Variants in TTLL7 observed in about 807,000 individuals in gnomAD.
TTLL7 encodes tubulin polyglutamylase TTLL7.
A neutral mutation model predicts 120.2 loss-of-function variants in TTLL7; 53 were observed. That is an observed-to-expected ratio of 0.44 (90% CI 0.35 to 0.55). The LOEUF is 0.55. TTLL7 is among the 20% of genes least tolerant of loss of function. TTLL7 has a pLI of 0.00. For missense variants in TTLL7, 803 were observed against 1,054.7 expected (o/e 0.76, Z 3.31); for synonymous variants, 353 against 351.7 (o/e 1.00, Z -0.04).
intron 1 of TTLL7, among the ~76,000 whole-genome samples, chr1:83,995,723 C>T (rs927814642): frequency 1.3e-5 from 2 of 152,092 alleles, no homozygotes; most frequent in African/African-American, 2.4e-5. Context: ...AGACCTCATA[C>T]CCTTTAACCC....
intron 1 of TTLL7, among the ~76,000 whole-genome samples, chr1:83,996,310 G>A (rs767959013): frequency 1.3e-5 from 2 of 152,088 alleles, no homozygotes; most frequent in African/African-American, 2.4e-5. Context: ...AAGGGGACTC[G>A]GGGCAACAGA....
rs1654231361 is a variant in TTLL7, at chr1:83,879,285, G to A, written c.2543+3678C>T. ...TGAGTTTTAATAGCTAGATATTAGG[G>A]AGAAATGTTTACTTCTCTTCACTCC... On this transcript the variant is annotated intron_variant, in intron 20 of 20. Transcript: ENST00000260505. Among the ~76,000 whole-genome samples, 2 of 151,912 alleles carry A rather than the reference G, an allele frequency of 1.3e-5. 1 individual carries two copies. The highest frequency in any genetic ancestry group is 4.1e-4 in the South Asian group (2 of 4,824).
At position 83,937,856 on chromosome 1, in the gene TTLL7, A is replaced by G; in HGVS notation, c.884T>C (p.Ile295Thr). The G allele has an allele frequency of 6.2e-7, 1 of 1,613,942 alleles. No homozygotes were observed. Among genetic ancestry groups the G allele is most frequent in the South Asian group, 1.1e-5 (1 of 91,070 alleles). ...TGTGGAATGGCATAATCTTACTGAA[A>G]TATCACTCCAAAACTTAGCAACATC... ...QHDVAKFWSD[I>T]SELVVKTLIV... is the part of the protein sequence containing the mutation. The change falls in exon 8 of 21, where the codon ATT becomes ACT. Residue 295 changes from isoleucine to threonine, a missense_variant. By Grantham distance (89) the Ile-to-Thr change is moderately conservative. Coordinates refer to ENST00000260505, the MANE Select transcript of TTLL7 (RefSeq NM_024686.6).
intron 20 of TTLL7, among the ~76,000 whole-genome samples, chr1:83,874,854 A>C (rs1653781810): frequency 6.6e-6 from 1 of 151,978 alleles, no homozygotes; most frequent in Non-Finnish European, 1.5e-5. Context: ...TATGGAGCCA[A>C]TGAAATAGCG....
intron 18 of TTLL7, among the ~76,000 whole-genome samples, chr1:83,903,653 G>A (rs950753719): frequency 2.6e-5 from 4 of 151,904 alleles, no homozygotes; most frequent in African/African-American, 9.7e-5. Context: ...TATGTAAATA[G>A]TTGTTACACT....
intron 1 of TTLL7, among the ~76,000 whole-genome samples, chr1:83,977,420 C>A (rs892712369): frequency 1.3e-5 from 2 of 151,718 alleles, no homozygotes; most frequent in African/African-American, 4.8e-5. Flanking sequence ...CAAGTTTATG[C>A]AATCTTAAAA....
At chr1:83,948,770 T>A (rs1196470568) in intron 4 of TTLL7, 75 bp from the exon 5 acceptor site, 2 of 1,028,518 alleles carry the variant, frequency 1.9e-6, no homozygotes, top group South Asian at 1.7e-5. Context: ...TACAATTCTA[T>A]CCATCCTTTG....
Position 83,951,965 on chromosome 1 carries a change from G to T in TTLL7, c.37C>A (p.Pro13Thr). 6.2e-7 allele frequency: 1 copy of T among 1,604,312 alleles called. No homozygotes were observed. Among genetic ancestry groups the T allele is most frequent in the South Asian group, 1.1e-5 (1 of 88,256 alleles). The change falls in exon 3 of 21, where the codon CCC becomes ACC. Residue 13 changes from proline to threonine, a missense_variant. Coordinates refer to ENST00000260505, the MANE Select transcript of TTLL7 (RefSeq NM_024686.6). ...TCTGTATTCAAATCCAGGGGAGAGG[G>T]TCCCTGAATAACTTTAAAAAAATGT... is the stretch of plus-strand genomic sequence containing the variant. The part of the protein sequence containing the change: ...SLPQEGVIQG[P>T]SPLDLNTELP...
chr1:83,895,584 G>GA (rs1181109503), intron 18 of TTLL7, among the ~76,000 whole-genome samples: 1 of 152,026 alleles, frequency 6.6e-6, no homozygotes, highest in East Asian at 1.9e-4. Flanking sequence ...GTCACCAAAT[G>GA]AATTCAGGTA....
intron 1 of TTLL7, among the ~76,000 whole-genome samples, chr1:83,968,693 A>G (rs1371489548): frequency 6.6e-6 from 1 of 152,080 alleles, no homozygotes; most frequent in Non-Finnish European, 1.5e-5. Context: ...TTATTCCTAC[A>G]TGGAGTACTC....
chr1:83,932,258 A>G (rs879625032), intron 9 of TTLL7, among the ~76,000 whole-genome samples: 13 of 152,158 alleles, frequency 8.5e-5, no homozygotes, highest in Non-Finnish European at 1.9e-4. Context: ...CCACTCCATC[A>G]ATGACAAAAG....
chr1:83,887,829 T>TC (rs35751070), intron 19 of TTLL7, among the ~76,000 whole-genome samples: 65,806 of 151,870 alleles, frequency 0.43, 15,608 homozygotes, highest in Non-Finnish European at 0.54. Context: ...CTTCAATTCC[T>TC]CATCTGTAAA....
chr1:83,944,518 C>G (rs1648286497), intron 6 of TTLL7, among the ~76,000 whole-genome samples: 1 of 151,982 alleles, frequency 6.6e-6, no homozygotes, highest in Non-Finnish European at 1.5e-5. Context: ...ATCAGCCTGG[C>G]CAACATGGAG....
At chr1:83,894,199 G>A (rs1174973091) in intron 18 of TTLL7, among the ~76,000 whole-genome samples, 1 of 151,568 alleles carries the variant, frequency 6.6e-6, no homozygotes, top group East Asian at 1.9e-4. Flanking sequence ...AGTAATAATA[G>A]GCCAAAAGTC....
Position 83,882,945 on chromosome 1 carries a change from G to A in TTLL7, c.2543+18C>T. ...CTTTACATAAAACTCTCAAGGGTTA[G>A]AGAATGTGAACAAGTACCTGGAATT... is the stretch of plus-strand genomic sequence containing the variant. On this transcript the variant is annotated intron_variant, in intron 20 of 20. Coordinates refer to ENST00000260505, the MANE Select transcript of TTLL7 (RefSeq NM_024686.6). 2 of 1,606,934 alleles carry A rather than the reference G, an allele frequency of 1.2e-6. No individual in the cohort carries two copies. Among genetic ancestry groups the A allele is most frequent in the Non-Finnish European group, 1.7e-6 (2 of 1,177,248 alleles).
chr1:83,918,370 A>C (rs2100788954), intron 13 of TTLL7, among the ~76,000 whole-genome samples: 1 of 152,304 alleles, frequency 6.6e-6, no homozygotes, highest in South Asian at 2.1e-4. Flanking sequence ...GCAAGCCAGG[A>C]CAATACGAGT....
chr1:83,959,352 T>C (rs1649812134), intron 1 of TTLL7, among the ~76,000 whole-genome samples: 1 of 152,192 alleles, frequency 6.6e-6, no homozygotes, highest in African/African-American at 2.4e-5. Flanking sequence ...CTGGAGTCTA[T>C]TCCCTCCTAT....
chr1:83,962,859 T>C (rs935581635), intron 1 of TTLL7, among the ~76,000 whole-genome samples: 18 of 152,178 alleles, frequency 1.2e-4, no homozygotes, highest in African/African-American at 4.3e-4. Context: ...TTGGACCACC[T>C]AGCTCCAGAG....
At chr1:83,899,118 C>A (rs1656492971) in intron 18 of TTLL7, among the ~76,000 whole-genome samples, 1 of 151,780 alleles carries the variant, frequency 6.6e-6, no homozygotes, top group African/African-American at 2.4e-5. Flanking sequence ...TAATATAAAG[C>A]TCCTTATATT....
Sources: allele counts gnomAD v4.1 joint callset (sites outside exome capture counted in the v4.1 genomes callset), GRCh38; gene constraint gnomAD v4.1.1; transcripts MANE v1.5; gene names NCBI Gene and HGNC (gene_info 2026-07-23, HGNC 2026-07-21).